AKAP6: variants seen among roughly 807,000 people sequenced by gnomAD.
AKAP6 encodes the protein A-kinase anchoring protein 6.
In AKAP6, 58 loss-of-function variants were observed where a neutral mutation model predicts 188.5. The ratio of observed to expected loss-of-function variants is 0.31; its 90% CI spans 0.25 to 0.38. The LOEUF (loss-of-function observed/expected upper bound fraction) is 0.38, where lower values mean the gene tolerates loss of function less well. Among genes scored for constraint, AKAP6 ranks in the 10% least tolerant of loss-of-function variants. The pLI, the probability that AKAP6 is intolerant of heterozygous loss-of-function variation, is 1.00. For synonymous variants in AKAP6, 989 were observed against 998.6 expected (o/e 0.99, Z 0.18); for missense variants, 2,710 against 2,740.0 (o/e 0.99, Z 0.24).
At chr14:32,583,535 G>T (rs988009757) in intron 5 of AKAP6, among the ~76,000 whole-genome samples, 1 of 152,142 alleles carries the variant, frequency 6.6e-6, no homozygotes, top group Admixed American at 6.5e-5. Flanking sequence ...AGTCTGCAGA[G>T]GTTACTGCTG....
intron 11 of AKAP6, among the ~76,000 whole-genome samples, chr14:32,753,073 G>T (rs1326969916): frequency 6.6e-6 from 1 of 152,168 alleles, no homozygotes; most frequent in Non-Finnish European, 1.5e-5. Flanking sequence ...TCCAGAAGTG[G>T]TATTGCTGGA....
At chr14:32,585,824 A>T (rs1021273053) in intron 5 of AKAP6, among the ~76,000 whole-genome samples, 2 of 152,016 alleles carry the variant, frequency 1.3e-5, no homozygotes, top group Non-Finnish European at 2.9e-5. Context: ...GGAGGATGGG[A>T]GATGGGAGGA....
intron 9 of AKAP6, among the ~76,000 whole-genome samples, chr14:32,716,877 A>G (rs1010431810): frequency 1.2e-4 from 19 of 152,028 alleles, no homozygotes; most frequent in African/African-American, 4.6e-4. Context: ...CTTATTACAA[A>G]ACTCATCTGT....
At chr14:32,639,396 A>G (rs1489635299) in intron 7 of AKAP6, among the ~76,000 whole-genome samples, 1 of 152,152 alleles carries the variant, frequency 6.6e-6, no homozygotes, top group Non-Finnish European at 1.5e-5. Flanking sequence ...TTAATTGTCT[A>G]TTTAGCACTA....
intron 12 of AKAP6, among the ~76,000 whole-genome samples, chr14:32,797,429 G>T (rs981546036): frequency 5.9e-5 from 9 of 152,208 alleles, no homozygotes; most frequent in Admixed American, 5.9e-4. Context: ...ATACTATGCA[G>T]CCATAAAAAG....
At chr14:32,786,628 C>A (rs1200417242) in intron 12 of AKAP6, among the ~76,000 whole-genome samples, 1 of 152,016 alleles carries the variant, frequency 6.6e-6, no homozygotes, top group African/African-American at 2.4e-5. Context: ...CCAGCCTAAA[C>A]CTTTATCTTA....
intron 7 of AKAP6, among the ~76,000 whole-genome samples, chr14:32,621,573 G>T (rs566864845): frequency 8.6e-5 from 13 of 152,036 alleles, no homozygotes; most frequent in Middle Eastern, 3.4e-3. Flanking sequence ...AAAAATTGAG[G>T]CTTGTTTTGT....
chr14:32,682,778 T>C lies in AKAP6; in HGVS notation c.2879+4319T>C, dbSNP rs565339717. On this transcript the variant is annotated intron_variant, in intron 8 of 13. Coordinates refer to ENST00000280979, the MANE Select transcript of AKAP6 (RefSeq NM_004274.5). ...GTAGGCAGAAGAAGATGATAGTGATTAGGTTCTAATGCTCACCACCAGTTG... is the reference window on the plus strand; with the variant it reads ...GTAGGCAGAAGAAGATGATAGTGATCAGGTTCTAATGCTCACCACCAGTTG... Among the ~76,000 whole-genome samples, 7 of 152,250 alleles carry C rather than the reference T, an allele frequency of 4.6e-5. No individual in the cohort carries two copies. In the East Asian group the frequency reaches 1.4e-3, roughly 29 times the overall value.
chr14:32,644,422 G>A (rs1887895080), intron 7 of AKAP6, among the ~76,000 whole-genome samples: 1 of 152,136 alleles, frequency 6.6e-6, no homozygotes, highest in Non-Finnish European at 1.5e-5. Flanking sequence ...GTTGTATCTG[G>A]CAATGCTGGA....
In AKAP6 at chr14:32,433,745, C is replaced by T. The variant is rs1307459337; in HGVS notation, c.252C>T (p.Val84=). 1.2e-6 allele frequency: 2 copies of T among 1,614,042 alleles called. No homozygotes were observed. Among genetic ancestry groups the T allele is most frequent in the Admixed American group, 1.7e-5 (1 of 60,000 alleles). ...ETWLRMTSER[V]RDLTYSVQQD... is the part of the protein sequence containing the mutation. Reference sequence around the variant, plus strand: ...GGCTCCGGATGACCTCAGAGAGGGTCCGAGACCTAACCTATTCAGTCCAGC... The same window carrying T: ...GGCTCCGGATGACCTCAGAGAGGGTTCGAGACCTAACCTATTCAGTCCAGC... The change falls in exon 2 of 14, where the codon GTC becomes GTT. Residue 84 remains valine (V), a synonymous_variant. Transcript: ENST00000280979.
chr14:32,682,726 C>T (rs1594842959), intron 8 of AKAP6, among the ~76,000 whole-genome samples: 1 of 152,198 alleles, frequency 6.6e-6, no homozygotes, highest in East Asian at 1.9e-4. Context: ...AGCCAGCCTG[C>T]CCGACCCTAC....
intron 5 of AKAP6, among the ~76,000 whole-genome samples, chr14:32,585,428 A>G (rs1885190657): frequency 6.6e-6 from 1 of 152,136 alleles, no homozygotes; most frequent in Non-Finnish European, 1.5e-5. Context: ...TGGAGAAACA[A>G]GGTTCTTAAT....
chr14:32,824,987 G>GAA (rs11438269), intron 13 of AKAP6, among the ~76,000 whole-genome samples, 172 bp downstream of exon 13: 36 of 145,450 alleles, frequency 2.5e-4, no homozygotes, highest in African/African-American at 8.3e-4. Flanking sequence ...TGAAGCAAAA[G>GAA]AAAAAAAAAA....
At chr14:32,756,282 G>A (rs1338856233) in intron 11 of AKAP6, among the ~76,000 whole-genome samples, 1 of 152,184 alleles carries the variant, frequency 6.6e-6, no homozygotes, top group Admixed American at 6.5e-5. Context: ...GCCTGAGTCT[G>A]TGGGGGCTGG....
chr14:32,815,004 T>G (rs970333926), intron 12 of AKAP6, among the ~76,000 whole-genome samples: 3 of 152,240 alleles, frequency 2.0e-5, no homozygotes, highest in Non-Finnish European at 4.4e-5. Flanking sequence ...AGTTTATTTA[T>G]GGGAAGAAAA....
intron 7 of AKAP6, among the ~76,000 whole-genome samples, chr14:32,618,494 C>T (rs905135179): frequency 6.6e-6 from 1 of 152,166 alleles, no homozygotes; most frequent in Non-Finnish European, 1.5e-5. Context: ...ATAACCCTCA[C>T]GTCCATCCAA....
intron 2 of AKAP6, among the ~76,000 whole-genome samples, chr14:32,472,635 C>A (rs539514705): frequency 6.6e-6 from 1 of 152,128 alleles, no homozygotes; most frequent in Non-Finnish European, 1.5e-5. Flanking sequence ...GAGATGGCAA[C>A]GAGGTTCTCT....
chr14:32,787,123 A>G (rs937061478), intron 12 of AKAP6, among the ~76,000 whole-genome samples: 6 of 152,256 alleles, frequency 3.9e-5, no homozygotes, highest in Non-Finnish European at 7.3e-5. Flanking sequence ...TTGAGGTAAC[A>G]TAACCAATTA....
chr14:32,646,052 T>C (rs949919289), intron 7 of AKAP6, among the ~76,000 whole-genome samples: 3 of 152,130 alleles, frequency 2.0e-5, no homozygotes, highest in African/African-American at 7.2e-5. Context: ...AATCATCTTA[T>C]CATCTGCAGG....
Sources: gnomAD v4.1 joint callset for allele counts (sites outside exome capture counted in the v4.1 genomes callset) on GRCh38, gnomAD v4.1.1 for gene constraint, MANE v1.5 for transcripts, NCBI Gene and HGNC (gene_info 2026-07-23, HGNC 2026-07-21) for gene names.